The following R3HDM2 variants were observed in gnomAD, a reference collection of about 807,000 sequenced individuals.
R3HDM2 encodes the protein R3H domain-containing protein 2.
A neutral mutation model predicts 124.5 loss-of-function variants in R3HDM2; 38 were observed. The observed-to-expected ratio is 0.31, with a 90% CI of 0.24 to 0.40. R3HDM2 has a LOEUF of 0.40. Ranked by LOEUF, R3HDM2 falls within the 10% of genes least tolerant of loss-of-function variation. R3HDM2 has a pLI of 1.00. For synonymous variants in R3HDM2, 391 were observed against 448.0 expected, an observed-to-expected ratio of 0.87 and a Z score of 1.61; for missense variants, 869 against 1,236.9, an observed-to-expected ratio of 0.70 and a Z score of 4.46.
intron 2 of R3HDM2, among the ~76,000 whole-genome samples, chr12:57,332,522 T>C (rs993502699): frequency 1.7e-4 from 26 of 152,018 alleles, no homozygotes; most frequent in East Asian, 1.9e-4. Flanking sequence ...CAAAACGGTC[T>C]GCTGCTTTCC....
At chr12:57,302,370 G>C (rs2051401553) in intron 4 of R3HDM2, among the ~76,000 whole-genome samples, 2 of 150,698 alleles carry the variant, frequency 1.3e-5, no homozygotes, top group Non-Finnish European at 3.0e-5. Flanking sequence ...GATCACCTAA[G>C]GTCAAGAGTT....
chr12:57,424,244 G>A (rs537890247), intron 1 of R3HDM2, among the ~76,000 whole-genome samples: 13 of 149,958 alleles, frequency 8.7e-5, no homozygotes, highest in Admixed American at 5.3e-4. Flanking sequence ...TGCAACTTCC[G>A]CCTTCCAGGT....
chr12:57,344,833 G>T (rs936318997), intron 2 of R3HDM2, among the ~76,000 whole-genome samples: 3 of 147,434 alleles, frequency 2.0e-5, no homozygotes, highest in African/African-American at 7.5e-5. Flanking sequence ...TTTGTTTTTT[G>T]TTTTTTTTTT....
At position 57,258,022 on chromosome 12, in the gene R3HDM2, G is replaced by A; in HGVS notation, c.2417C>T (p.Thr806Ile). 1 of 1,586,748 alleles carries A rather than the reference G, an allele frequency of 6.3e-7. No homozygotes were observed. ...TGGACCCCCAGGCCGGGGGAACTGT[G>A]TGAGGACAGGCAGGGGACTGAGTCC... ...CTGLSPLPVL[T>I]QFPRPGGPAQ... The change falls in exon 21 of 24, where the codon ACA (threonine) becomes ATA (isoleucine). Residue 806 changes from threonine to isoleucine, a missense_variant. Physicochemically the swap from Thr to Ile is moderately conservative, Grantham distance 89. Coordinates refer to ENST00000402412, the MANE Select transcript of R3HDM2 (RefSeq NM_001394031.1).
intron 2 of R3HDM2, among the ~76,000 whole-genome samples, chr12:57,349,196 C>G (rs1317180545): frequency 6.6e-6 from 1 of 151,230 alleles, no homozygotes; most frequent in Non-Finnish European, 1.5e-5. Context: ...CTGGCTAACA[C>G]GGTGAAACCC....
chr12:57,307,267 G>A (rs1048925534), intron 3 of R3HDM2, among the ~76,000 whole-genome samples: 2 of 151,802 alleles, frequency 1.3e-5, no homozygotes, highest in African/African-American at 4.8e-5. Context: ...GACTTCTAGG[G>A]TATAAAACCA....
At chr12:57,303,370 C>T (rs569635251) in intron 3 of R3HDM2, among the ~76,000 whole-genome samples, 153 bp from the exon 4 acceptor site, 7 of 152,280 alleles carry the variant, frequency 4.6e-5, no homozygotes, top group East Asian at 1.9e-4. Context: ...TTTCTCCCTA[C>T]AACCTACAAC....
rs534205889 is a variant in R3HDM2, at chr12:57,414,486, TAAAAAA to T, written c.-106+16228_-106+16233del. 3.1e-3 allele frequency among the ~76,000 whole-genome samples: 204 copies of T among 66,634 alleles called. 7 individuals are homozygous for T. In the East Asian group the frequency reaches 0.086, roughly 28 times the overall value. 43.7% of individuals were successfully genotyped at this position (66,634 alleles called of 152,430 possible). On this transcript the variant is annotated intron_variant, in intron 1 of 23. Coordinates refer to ENST00000402412, the MANE Select transcript of R3HDM2 (RefSeq NM_001394031.1). ...GCCTGGGCAAAGAGAAAGACTCCAT[TAAAAAA>T]AAAAAAAAAAAAAAAAAACGAAAAA...
intron 2 of R3HDM2, among the ~76,000 whole-genome samples, chr12:57,354,501 C>G (rs558775289): frequency 7.9e-5 from 12 of 151,854 alleles, no homozygotes; most frequent in Non-Finnish European, 1.6e-4. Flanking sequence ...ACCATGTTGG[C>G]CAGGCTGATC....
At chr12:57,273,311 G>A (rs2043989358) in intron 14 of R3HDM2, among the ~76,000 whole-genome samples, 1 of 150,200 alleles carries the variant, frequency 6.7e-6, no homozygotes, top group Middle Eastern at 3.2e-3. Context: ...CTAGCCTCAA[G>A]CAGGAGGATT....
chr12:57,371,860 T>C (rs1019494923), intron 2 of R3HDM2, among the ~76,000 whole-genome samples: 5 of 152,160 alleles, frequency 3.3e-5, no homozygotes, highest in African/African-American at 1.2e-4. Flanking sequence ...TAGATTGTCC[T>C]TTTTTGTTGT....
At chr12:57,349,978 C>A (rs908071514) in intron 2 of R3HDM2, among the ~76,000 whole-genome samples, 2 of 152,048 alleles carry the variant, frequency 1.3e-5, no homozygotes, top group African/African-American at 4.8e-5. Context: ...TTTGGGAGGC[C>A]GAGGTGGGCA....
At chr12:57,392,083 A>C (rs1170223156) in intron 2 of R3HDM2, among the ~76,000 whole-genome samples, 1 of 152,196 alleles carries the variant, frequency 6.6e-6, no homozygotes, top group African/African-American at 2.4e-5. Flanking sequence ...GAATCACTTC[A>C]ACCTGGGAGG....
chr12:57,314,624 G>A (rs1007232563), intron 2 of R3HDM2, among the ~76,000 whole-genome samples: 8 of 152,110 alleles, frequency 5.3e-5, no homozygotes, highest in Non-Finnish European at 1.2e-4. Flanking sequence ...GGGAAAACTG[G>A]AACAGGATCA....
chr12:57,312,636 C>T (rs1300894917), intron 2 of R3HDM2, among the ~76,000 whole-genome samples: 1 of 151,904 alleles, frequency 6.6e-6, no homozygotes, highest in Non-Finnish European at 1.5e-5. Flanking sequence ...TTTGGGAAGC[C>T]GAGGTGGGCA....
chr12:57,381,156 G>A (rs373762839), intron 2 of R3HDM2, among the ~76,000 whole-genome samples: 1 of 152,056 alleles, frequency 6.6e-6, no homozygotes, highest in Non-Finnish European at 1.5e-5. Flanking sequence ...ACTTGAACCC[G>A]GGAGGCAGAG....
intron 2 of R3HDM2, among the ~76,000 whole-genome samples, chr12:57,378,693 A>G (rs548326556): frequency 1.8e-4 from 28 of 152,238 alleles, no homozygotes; most frequent in African/African-American, 6.7e-4. Context: ...TCTTCTCACT[A>G]AAGTCTAAGT....
chr12:57,256,303 G>A, intron 22 of R3HDM2, 111 bp downstream of exon 22: 2 of 1,021,590 alleles, frequency 2.0e-6, no homozygotes, highest in Non-Finnish European at 2.9e-6. Context: ...CTCCTGCTTT[G>A]TTCATTCTGT....
intron 2 of R3HDM2, among the ~76,000 whole-genome samples, chr12:57,349,840 G>C (rs963752714): frequency 6.6e-6 from 1 of 151,908 alleles, no homozygotes; most frequent in African/African-American, 2.4e-5. Context: ...GATTACAGGC[G>C]TGAGCCACAG....
Sources: allele counts gnomAD v4.1 joint callset (sites outside exome capture counted in the v4.1 genomes callset), GRCh38; gene constraint gnomAD v4.1.1; transcripts MANE v1.5; gene names NCBI Gene and HGNC (gene_info 2026-07-23, HGNC 2026-07-21).